CFAP221: variants seen among roughly 807,000 people sequenced by gnomAD.
The protein encoded by CFAP221 is cilia and flagella associated protein 221, also known as cilia- and flagella-associated protein 221.
A neutral mutation model predicts 113.1 loss-of-function variants in CFAP221; 97 were observed. The observed-to-expected ratio is 0.86, with a 90% confidence interval of 0.73 to 1.02. CFAP221 has a LOEUF of 1.02. Among genes scored for constraint, CFAP221 ranks in the 50% least tolerant of loss-of-function variants. The pLI, the probability that CFAP221 is intolerant of heterozygous loss-of-function variation, is 0.00. For synonymous variants in CFAP221, 331 were observed against 354.4 expected, an observed-to-expected ratio of 0.93 and a Z score of 0.74; for missense variants, 1,025 against 1,013.4, an observed-to-expected ratio of 1.01 and a Z score of -0.16.
At chr2:119,642,533 CTTTTTTTTTTTTTTT>C (rs56224952) in intron 21 of CFAP221, among the ~76,000 whole-genome samples, 2 of 54,660 alleles carry the variant, frequency 3.7e-5, no homozygotes, top group African/African-American at 7.2e-5. Context: ...GCTCTCAGGC[CTTTTTTTTTTTTTTT>C]TTTTTTTTTT....
chr2:119,589,085 A>G (rs1020310628), intron 7 of CFAP221, among the ~76,000 whole-genome samples: 5 of 152,144 alleles, frequency 3.3e-5, no homozygotes, highest in African/African-American at 1.2e-4. Flanking sequence ...AATGACCTGC[A>G]TTGTGTGGAT....
chr2:119,566,109 G>A (rs1190558135), intron 6 of CFAP221, among the ~76,000 whole-genome samples: 1 of 152,124 alleles, frequency 6.6e-6, no homozygotes, highest in Non-Finnish European at 1.5e-5. Flanking sequence ...GTTGGGGGCA[G>A]GTAGGATGAG....
intron 15 of CFAP221, 180 bp downstream of exon 15, chr2:119,625,868 C>CT (rs1054460989): frequency 1.0e-5 from 6 of 587,052 alleles, no homozygotes; most frequent in African/African-American, 1.9e-5. Context: ...TCACCAGAGA[C>CT]TAGGTTAGTC....
At chr2:119,569,553 ATTAT>A (rs1193654356) in intron 6 of CFAP221, among the ~76,000 whole-genome samples, 27 of 152,132 alleles carry the variant, frequency 1.8e-4, no homozygotes, top group African/African-American at 5.8e-4. Flanking sequence ...ATTTATGGAA[ATTAT>A]TAGGCATTGT....
intron 23 of CFAP221, among the ~76,000 whole-genome samples, chr2:119,653,498 T>G (rs1040038824): frequency 6.6e-6 from 1 of 152,248 alleles, no homozygotes; most frequent in Non-Finnish European, 1.5e-5. Flanking sequence ...CACATACTTA[T>G]AAATATACAT....
chr2:119,602,679 A>G, intron 8 of CFAP221: 17 of 985,384 alleles, frequency 1.7e-5, no homozygotes, highest in Non-Finnish European at 2.0e-5. Flanking sequence ...GCAAATAACC[A>G]TCATTGAAAT....
intron 6 of CFAP221, among the ~76,000 whole-genome samples, chr2:119,581,158 C>G (rs1054435434): frequency 6.6e-6 from 1 of 152,148 alleles, no homozygotes; most frequent in African/African-American, 2.4e-5. Flanking sequence ...GCCTGCAAAT[C>G]CAAATTCCAA....
chr2:119,619,853 G>A (rs1179398867), intron 14 of CFAP221, among the ~76,000 whole-genome samples: 5 of 152,300 alleles, frequency 3.3e-5, no homozygotes, highest in African/African-American at 9.6e-5. Flanking sequence ...AAAAAGGTTA[G>A]AGGAATTGCT....
chr2:119,641,015 C>CCATCCACCCA (rs202154060), intron 21 of CFAP221, among the ~76,000 whole-genome samples: 3 of 152,130 alleles, frequency 2.0e-5, no homozygotes, highest in African/African-American at 7.2e-5. Context: ...TGCAGCCGTC[C>CCATCCACCCA]CATCCACCCA....
chr2:119,576,773 A>C (rs1373240505), intron 6 of CFAP221, among the ~76,000 whole-genome samples: 1 of 152,232 alleles, frequency 6.6e-6, no homozygotes, highest in Non-Finnish European at 1.5e-5. Flanking sequence ...ATTATTTGAA[A>C]GTTAAAACCT....
At chr2:119,638,443 CAG>C in intron 20 of CFAP221, 26 bp downstream of exon 20, 1 of 1,613,270 alleles carries the variant, frequency 6.2e-7, no homozygotes, top group Non-Finnish European at 8.5e-7. Context: ...GGCTCACTGG[CAG>C]AGTGACCCTG....
chr2:119,619,101 A>G (rs1558967870), intron 14 of CFAP221, among the ~76,000 whole-genome samples: 1 of 152,206 alleles, frequency 6.6e-6, no homozygotes, highest in Non-Finnish European at 1.5e-5. Context: ...GGCCTTACAG[A>G]TAAGACTCCC....
chr2:119,610,698 C>T (rs1685089239), intron 12 of CFAP221, among the ~76,000 whole-genome samples: 1 of 152,108 alleles, frequency 6.6e-6, no homozygotes. Flanking sequence ...CAATAACACA[C>T]CTCTCTTATT....
intron 19 of CFAP221, among the ~76,000 whole-genome samples, chr2:119,634,227 C>T (rs1686970550): frequency 6.6e-6 from 1 of 152,170 alleles, no homozygotes; most frequent in Non-Finnish European, 1.5e-5. Flanking sequence ...GTACTCTTAA[C>T]ACTTTGGGAG....
chr2:119,650,327 T>A (rs1009747563), intron 22 of CFAP221, among the ~76,000 whole-genome samples: 9 of 152,238 alleles, frequency 5.9e-5, no homozygotes, highest in Non-Finnish European at 1.2e-4. Context: ...CGAAAAGGAA[T>A]GTTGATTTGC....
intron 6 of CFAP221, among the ~76,000 whole-genome samples, chr2:119,571,328 C>A (rs1053321593): frequency 6.6e-6 from 1 of 151,828 alleles, no homozygotes; most frequent in African/African-American, 2.4e-5. Context: ...TTAGTAGAGA[C>A]GGGGTTTCGC....
intron 22 of CFAP221, among the ~76,000 whole-genome samples, chr2:119,649,719 G>A (rs1688011517): frequency 6.6e-6 from 1 of 152,196 alleles, no homozygotes; most frequent in African/African-American, 2.4e-5. Context: ...GGATCGCTGA[G>A]CCTAAGCATT....
At chr2:119,601,639 G>T (rs1214394603) in intron 8 of CFAP221, 1 of 334,150 alleles carries the variant, frequency 3.0e-6, no homozygotes. Context: ...ATCACTACTG[G>T]TGCACTGTTG....
intron 6 of CFAP221, among the ~76,000 whole-genome samples, chr2:119,565,837 T>C (rs986427447): frequency 2.2e-4 from 33 of 152,336 alleles, no homozygotes; most frequent in African/African-American, 7.9e-4. Flanking sequence ...AGGGGGTGAC[T>C]ACTAGAACAC....
Sources: gnomAD v4.1 joint callset for allele counts (sites outside exome capture counted in the v4.1 genomes callset) on GRCh38, gnomAD v4.1.1 for gene constraint, MANE v1.5 for transcripts, NCBI Gene and HGNC (gene_info 2026-07-23, HGNC 2026-07-21) for gene names.